OPCML: variants seen among roughly 807,000 people sequenced by gnomAD.
The protein encoded by OPCML is opioid-binding protein/cell adhesion molecule.
OPCML carries 13 observed loss-of-function variants against 37.8 expected under a neutral mutation model. The observed-to-expected ratio is 0.34, with a 90% CI of 0.22 to 0.55. The LOEUF (loss-of-function observed/expected upper bound fraction) is 0.55. Ranked by LOEUF, OPCML falls within the 20% of genes least tolerant of loss-of-function variation. The probability of loss-of-function intolerance (pLI) is 0.91; values close to 1 mark genes in which losing one functional copy is unlikely to be tolerated. For synonymous variants in OPCML, 176 were observed against 168.8 expected, an observed-to-expected ratio of 1.04 and a Z score of -0.33; for missense variants, 341 against 435.6, an observed-to-expected ratio of 0.78 and a Z score of 1.93.
At chr11:132,499,103 T>G (rs910754457) in intron 4 of OPCML, among the ~76,000 whole-genome samples, 1 of 152,158 alleles carries the variant, frequency 6.6e-6, no homozygotes, top group Non-Finnish European at 1.5e-5. Context: ...TCCGGGCTAG[T>G]CAGGTGGAGA....
At chr11:132,452,600 C>A (rs2096071464) in intron 4 of OPCML, among the ~76,000 whole-genome samples, 1 of 151,728 alleles carries the variant, frequency 6.6e-6, no homozygotes, top group Admixed American at 6.6e-5. Flanking sequence ...TTCCTTCCTG[C>A]CTGCCTTCCT....
chr11:133,384,139 A>G (rs1036297310), intron 1 of OPCML, among the ~76,000 whole-genome samples: 2 of 151,532 alleles, frequency 1.3e-5, no homozygotes, highest in Non-Finnish European at 2.9e-5. Context: ...CACTCCAGCT[A>G]TATGACTGAA....
chr11:133,460,648 T>TA (rs1396693481), intron 1 of OPCML, among the ~76,000 whole-genome samples: 1 of 151,696 alleles, frequency 6.6e-6, no homozygotes, highest in Non-Finnish European at 1.5e-5. Context: ...CACGAAGAAA[T>TA]AAAAAATTTG....
intron 3 of OPCML, among the ~76,000 whole-genome samples, chr11:132,634,624 T>C (rs1473559166): frequency 6.6e-6 from 1 of 152,108 alleles, no homozygotes; most frequent in Non-Finnish European, 1.5e-5. Context: ...AGATGGGGTG[T>C]CCTCGCAGGA....
intron 2 of OPCML, among the ~76,000 whole-genome samples, chr11:132,879,205 C>T (rs540602009): frequency 1.3e-5 from 2 of 152,240 alleles, no homozygotes; most frequent in East Asian, 3.9e-4. Context: ...AGAGCGTCTA[C>T]TATATGGCAG....
intron 1 of OPCML, among the ~76,000 whole-genome samples, chr11:133,465,289 C>T (rs1400025889): frequency 6.6e-6 from 1 of 152,166 alleles, no homozygotes; most frequent in Non-Finnish European, 1.5e-5. Context: ...TAACCCTCCT[C>T]CTTACCTTGT....
chr11:132,794,335 G>T (rs757206724), intron 2 of OPCML, among the ~76,000 whole-genome samples: 3 of 152,162 alleles, frequency 2.0e-5, no homozygotes, highest in East Asian at 1.9e-4. Flanking sequence ...TCTGCAGGGC[G>T]CAGGGCAAAA....
chr11:132,435,448 T>G (rs185012140), intron 7 of OPCML, among the ~76,000 whole-genome samples: 1 of 152,276 alleles, frequency 6.6e-6, no homozygotes, highest in East Asian at 1.9e-4. Context: ...CCCTGGCCCA[T>G]GGTGTGAAAT....
chr11:132,508,591 C>G (rs748028274), intron 4 of OPCML, among the ~76,000 whole-genome samples: 1 of 152,062 alleles, frequency 6.6e-6, no homozygotes, highest in Non-Finnish European at 1.5e-5. Context: ...GGGAGGGACC[C>G]AGGGGGAGGT....
intron 3 of OPCML, among the ~76,000 whole-genome samples, chr11:132,582,540 C>A (rs2096464277): frequency 6.6e-6 from 1 of 151,992 alleles, no homozygotes; most frequent in South Asian, 2.1e-4. Flanking sequence ...TCAATGATAA[C>A]CTATAGTAAG....
At chr11:132,426,574 G>A (rs913835476) in intron 7 of OPCML, among the ~76,000 whole-genome samples, 5 of 152,042 alleles carry the variant, frequency 3.3e-5, no homozygotes, top group Non-Finnish European at 5.9e-5. Flanking sequence ...CAGGGATTAT[G>A]GGCATGCACC....
chr11:133,335,426 G>A (rs1943723329), intron 1 of OPCML, among the ~76,000 whole-genome samples: 1 of 152,140 alleles, frequency 6.6e-6, no homozygotes, highest in Non-Finnish European at 1.5e-5. Flanking sequence ...TCAATTTACA[G>A]TGTGGGCCCT....
intron 1 of OPCML, among the ~76,000 whole-genome samples, chr11:133,194,500 G>A (rs1269866085): frequency 6.6e-6 from 1 of 152,020 alleles, no homozygotes; most frequent in African/African-American, 2.4e-5. Flanking sequence ...ATGAGCCACT[G>A]CGCCCGGCTG....
intron 1 of OPCML, among the ~76,000 whole-genome samples, chr11:133,127,572 G>A (rs928358295): frequency 6.6e-6 from 1 of 151,820 alleles, no homozygotes; most frequent in African/African-American, 2.4e-5. Flanking sequence ...GGTGGAGGAT[G>A]CAGTGGGCTG....
intron 2 of OPCML, among the ~76,000 whole-genome samples, chr11:132,687,600 C>T (rs539924171): frequency 6.6e-6 from 1 of 151,370 alleles, no homozygotes; most frequent in East Asian, 2.0e-4. Context: ...CTCAAATACT[C>T]AGAGAATTAA....
intron 7 of OPCML, among the ~76,000 whole-genome samples, chr11:132,423,706 T>A (rs529488334): frequency 3.3e-5 from 5 of 152,220 alleles, no homozygotes; most frequent in African/African-American, 1.2e-4. Flanking sequence ...TGCTTTAATA[T>A]AAAAGTGATG....
intron 4 of OPCML, among the ~76,000 whole-genome samples, chr11:132,486,927 GAGCA>G (rs1565605369): frequency 1.3e-5 from 2 of 152,120 alleles, no homozygotes; most frequent in Non-Finnish European, 2.9e-5. Flanking sequence ...AAGAGGCCAA[GAGCA>G]ATTCAATGCT....
chr11:133,467,799 A>G (rs1040209616), intron 1 of OPCML, among the ~76,000 whole-genome samples: 1 of 152,162 alleles, frequency 6.6e-6, no homozygotes, highest in African/African-American at 2.4e-5. Context: ...CCAATTGCTC[A>G]ATGAATTCCC....
At chr11:132,725,327 C>T (rs1327196095) in intron 2 of OPCML, among the ~76,000 whole-genome samples, 1 of 152,172 alleles carries the variant, frequency 6.6e-6, no homozygotes, top group African/African-American at 2.4e-5. Context: ...CTACATTGGC[C>T]CCTTTTAGCC....
Sources: allele counts gnomAD v4.1 joint callset (sites outside exome capture counted in the v4.1 genomes callset), GRCh38; gene constraint gnomAD v4.1.1; transcripts MANE v1.5; gene names NCBI Gene and HGNC (gene_info 2026-07-23, HGNC 2026-07-21).